Variants in AUTS2 observed in about 807,000 individuals in gnomAD.
The protein encoded by AUTS2 is activator of transcription and developmental regulator AUTS2.
A neutral mutation model predicts 112.4 loss-of-function variants in AUTS2; 17 were observed. The ratio of observed to expected loss-of-function variants is 0.15; its 90% CI spans 0.10 to 0.23. The LOEUF is 0.23. AUTS2 is among the 10% of genes least tolerant of loss of function. The probability of loss-of-function intolerance (pLI) is 1.00; values close to 1 mark genes in which losing one functional copy is unlikely to be tolerated. For missense variants in AUTS2, 1,510 were observed against 1,701.6 expected (o/e 0.89, Z 1.98); for synonymous variants, 751 against 702.7 (o/e 1.07, Z -1.09).
At chr7:69,737,172 T>C (rs1225216201) in intron 1 of AUTS2, among the ~76,000 whole-genome samples, 1 of 152,182 alleles carries the variant, frequency 6.6e-6, no homozygotes, top group African/African-American at 2.4e-5. Flanking sequence ...GATGCTTGAA[T>C]TGGTGACATC....
intron 6 of AUTS2, among the ~76,000 whole-genome samples, chr7:70,745,790 A>T (rs1426158768): frequency 6.6e-6 from 1 of 152,208 alleles, no homozygotes; most frequent in Non-Finnish European, 1.5e-5. Flanking sequence ...AGTTCCTTAA[A>T]CTTCATAATG....
intron 4 of AUTS2, among the ~76,000 whole-genome samples, chr7:70,220,640 T>C (rs574901522): frequency 6.6e-6 from 1 of 152,294 alleles, no homozygotes; most frequent in South Asian, 2.1e-4. Context: ...TAGCTACGGA[T>C]GCATGGAAAT....
At chr7:69,888,862 C>G (rs1180874471) in intron 1 of AUTS2, among the ~76,000 whole-genome samples, 1 of 152,028 alleles carries the variant, frequency 6.6e-6, no homozygotes, top group Non-Finnish European at 1.5e-5. Flanking sequence ...GCATGAGCCA[C>G]CAGGCCCACC....
chr7:70,709,053 G>A (rs1809899075), intron 6 of AUTS2, among the ~76,000 whole-genome samples: 3 of 151,692 alleles, frequency 2.0e-5, no homozygotes, highest in African/African-American at 7.3e-5. Context: ...GAGTAGCTGG[G>A]ATTACAGGTG....
intron 2 of AUTS2, 140 bp from the exon 3 acceptor site, chr7:70,117,992 C>G (rs1805471781): frequency 1.8e-6 from 2 of 1,082,528 alleles, no homozygotes; most frequent in Middle Eastern, 2.2e-4. Flanking sequence ...TCGTGATCCT[C>G]CTACCTCTGC....
chr7:70,487,743 C>T (rs1345501876), intron 5 of AUTS2, among the ~76,000 whole-genome samples: 3 of 152,010 alleles, frequency 2.0e-5, no homozygotes, highest in African/African-American at 4.8e-5. Context: ...CCGTGAGGAG[C>T]GAGGAGGAAA....
chr7:70,348,613 G>T (rs562942206), intron 4 of AUTS2, among the ~76,000 whole-genome samples: 11 of 152,084 alleles, frequency 7.2e-5, no homozygotes, highest in Non-Finnish European at 1.6e-4. Context: ...GACCATCCTG[G>T]CTAACACGGT....
rs530148276 is a variant in AUTS2, at chr7:70,360,880, G to A, written c.661-74872G>A. 4.6e-5 allele frequency among the ~76,000 whole-genome samples: 7 copies of A among 152,120 alleles called. 1 individual carries two copies. In the South Asian group the frequency reaches 8.3e-4, roughly 18 times the overall value. ...TTAAGCCTCATTCTTAGGACATGCCGTGAATTTGCTCTCCAAAATGATTCC... is the reference window on the plus strand; with the variant it reads ...TTAAGCCTCATTCTTAGGACATGCCATGAATTTGCTCTCCAAAATGATTCC... On this transcript the variant is annotated intron_variant, in intron 4 of 18. Coordinates refer to ENST00000342771, the MANE Select transcript of AUTS2 (RefSeq NM_015570.4).
intron 2 of AUTS2, among the ~76,000 whole-genome samples, chr7:69,953,467 T>C (rs1001989731): frequency 2.0e-5 from 3 of 152,158 alleles, no homozygotes; most frequent in Non-Finnish European, 4.4e-5. Context: ...AAGAAACCAC[T>C]AACAGCAGTA....
intron 1 of AUTS2, among the ~76,000 whole-genome samples, chr7:69,656,432 A>G (rs1795543142): frequency 6.6e-6 from 1 of 152,232 alleles, no homozygotes; most frequent in African/African-American, 2.4e-5. Flanking sequence ...AATTTTGCTC[A>G]CATTTCAAAA....
At chr7:70,623,539 G>A (rs1804782782) in intron 5 of AUTS2, among the ~76,000 whole-genome samples, 1 of 152,202 alleles carries the variant, frequency 6.6e-6, no homozygotes, top group African/African-American at 2.4e-5. Flanking sequence ...CAAGAGTACA[G>A]TGGTCACTCT....
chr7:70,218,744 T>C (rs1436565154), intron 4 of AUTS2, among the ~76,000 whole-genome samples: 1 of 152,204 alleles, frequency 6.6e-6, no homozygotes, highest in Admixed American at 6.5e-5. Context: ...TCATTCTTGG[T>C]AGATGGGGCC....
At chr7:69,737,685 T>C (rs948141834) in intron 1 of AUTS2, among the ~76,000 whole-genome samples, 1 of 152,164 alleles carries the variant, frequency 6.6e-6, no homozygotes, top group Non-Finnish European at 1.5e-5. Context: ...CAGCCCCTTA[T>C]ACAGTGTCTA....
rs140023863 is a variant in AUTS2, at chr7:69,770,949, A to G, written c.310-128337A>G. Among the ~76,000 whole-genome samples, 114 of 152,340 alleles carry G rather than the reference A, an allele frequency of 7.5e-4. 1 individual carries two copies. Among genetic ancestry groups the G allele is most frequent in the African/African-American group, 2.6e-3 (108 of 41,578 alleles). ...AAGGCAGAACAGGTTGCTACTTAAA[A>G]GAGTTAATGGCCAGTTGGTTTTAGA... On this transcript the variant is annotated intron_variant, in intron 1 of 18. Coordinates refer to ENST00000342771, the MANE Select transcript of AUTS2 (RefSeq NM_015570.4).
intron 2 of AUTS2, among the ~76,000 whole-genome samples, chr7:70,032,531 T>TA (rs977476031): frequency 2.0e-5 from 3 of 151,940 alleles, no homozygotes; most frequent in South Asian, 2.1e-4. Flanking sequence ...TGATCATCCT[T>TA]AAAAAAAATA....
At chr7:70,043,640 A>C (rs1244527037) in intron 2 of AUTS2, among the ~76,000 whole-genome samples, 2 of 111,034 alleles carry the variant, frequency 1.8e-5, no homozygotes, top group Non-Finnish European at 1.7e-5. Context: ...TCAGTGTTTC[A>C]CTCTTGTTGC....
At chr7:69,667,716 T>C (rs996928517) in intron 1 of AUTS2, among the ~76,000 whole-genome samples, 3 of 152,196 alleles carry the variant, frequency 2.0e-5, no homozygotes, top group African/African-American at 7.2e-5. Flanking sequence ...TCATTTATTC[T>C]AGTTCTTTTC....
At chr7:70,602,497 C>T (rs1803527858) in intron 5 of AUTS2, among the ~76,000 whole-genome samples, 1 of 152,164 alleles carries the variant, frequency 6.6e-6, no homozygotes, top group Non-Finnish European at 1.5e-5. Context: ...CTCCGGATGC[C>T]AGGCACTCAT....
At chr7:69,787,173 C>G (rs1789414219) in intron 1 of AUTS2, among the ~76,000 whole-genome samples, 1 of 152,176 alleles carries the variant, frequency 6.6e-6, no homozygotes, top group Non-Finnish European at 1.5e-5. Context: ...TGATTTGCTC[C>G]TGACGTTGTT....
Sources: allele counts gnomAD v4.1 joint callset (sites outside exome capture counted in the v4.1 genomes callset), GRCh38; gene constraint gnomAD v4.1.1; transcripts MANE v1.5; gene names NCBI Gene and HGNC (gene_info 2026-07-23, HGNC 2026-07-21).